OPRL1: variants seen among roughly 807,000 people sequenced by gnomAD.
OPRL1 encodes nociceptin receptor.
Under a neutral mutation model 15.5 loss-of-function variants are expected in OPRL1, and 5 were observed. That is an observed-to-expected ratio of 0.32 (90% CI 0.17 to 0.68). The LOEUF (loss-of-function observed/expected upper bound fraction) is 0.68. Among genes scored for constraint, OPRL1 ranks in the 30% least tolerant of loss-of-function variants. OPRL1 has a pLI of 0.72. For missense variants in OPRL1, 406 were observed against 515.3 expected, an observed-to-expected ratio of 0.79 and a Z score of 2.05; for synonymous variants, 223 against 230.2, an observed-to-expected ratio of 0.97 and a Z score of 0.28.
Position 64,098,836 on chromosome 20 carries a change from C to A in OPRL1, c.*37C>A. On this transcript the variant is annotated 3_prime_UTR_variant, in exon 5 of 5. Coordinates refer to ENST00000336866, the MANE Select transcript of OPRL1 (RefSeq NM_182647.4). ...CCTGCCCATGGTGCCTGTCAGCCCG[C>A]AGAGCCCATCTACGCCCAACACAGA... The A allele has an allele frequency of 6.4e-7, 1 of 1,556,708 alleles. No individual in the cohort carries two copies. Among genetic ancestry groups the A allele is most frequent in the Non-Finnish European group, 8.6e-7 (1 of 1,157,372 alleles).
intron 2 of OPRL1, 107 bp from the exon 3 acceptor site, chr20:64,092,581 C>A: frequency 1.3e-6 from 1 of 773,510 alleles, no homozygotes. Context: ...CTGTGGCTGC[C>A]CAGCGTGGGG....
intron 1 of OPRL1, among the ~76,000 whole-genome samples, chr20:64,084,585 G>T (rs1016522120): frequency 6.6e-6 from 1 of 152,238 alleles, no homozygotes; most frequent in African/African-American, 2.4e-5. Flanking sequence ...AGAGCTCTAG[G>T]TGACGCCTGG....
chr20:64,098,738 G>C lies in OPRL1; in HGVS notation c.1052G>C (p.Ser351Thr). ...RDVQVSDRVRSIAKDVALACK... is the reference protein window; with the variant it reads ...RDVQVSDRVRTIAKDVALACK... The stretch of plus-strand genomic sequence containing the variant: ...GTGCAGGTGTCTGACCGCGTGCGCA[G>C]CATTGCCAAGGACGTGGCCCTGGCC... Residue 351 changes from serine to threonine, a missense_variant, in exon 5 of 5, where the codon AGC (serine) becomes ACC (threonine). Physicochemically the swap from Ser to Thr is moderately conservative, Grantham distance 58. Transcript: ENST00000336866. 6.2e-7 allele frequency: 1 copy of C among 1,610,674 alleles called. No individual in the cohort carries two copies. The highest frequency in any genetic ancestry group is 8.5e-7 in the Non-Finnish European group (1 of 1,179,936).
rs1463975453 is a variant in OPRL1, at chr20:64,089,475, G to C, written c.-184-2491G>C. On this transcript the variant is annotated intron_variant, in intron 1 of 4. Coordinates refer to ENST00000336866, the MANE Select transcript of OPRL1 (RefSeq NM_182647.4). This position sits in a 1 kb window ranked among gnomAD's most constrained non-coding sequence, Gnocchi z 5.5. ...ACCTCGTCCCCCCTCCTTTCTTCCT[G>C]TCCTCCTATCCCCAGCGTGTTTTCC... is the stretch of plus-strand genomic sequence containing the variant. Among the ~76,000 whole-genome samples the C allele has an allele frequency of 1.3e-5, 2 of 151,964 alleles. No homozygotes were observed. The highest frequency in any genetic ancestry group is 6.5e-5 in the Admixed American group (1 of 15,272).
Position 64,083,821 on chromosome 20 carries a change from C to A in OPRL1, c.-185+3469C>A. The A allele has an allele frequency of 7.3e-7, 1 of 1,363,458 alleles. No homozygotes were observed. Among genetic ancestry groups the A allele is most frequent in the Non-Finnish European group, 9.4e-7 (1 of 1,064,634 alleles). 84.5% of individuals were successfully genotyped at this position (1,363,458 alleles called of 1,614,324 possible). On this transcript the variant is annotated intron_variant, in intron 1 of 4. Coordinates refer to ENST00000336866, the MANE Select transcript of OPRL1 (RefSeq NM_182647.4). The surrounding 1 kb of genome is among the most constrained non-coding windows in gnomAD (Gnocchi z 4.9). The stretch of plus-strand genomic sequence containing the variant: ...CCCTCCGACCCCCTCGCCTCACCCG[C>A]ATGCGGGTGTAGCGCAGCCGCAGGG...
At chr20:64,081,407 C>T (rs535486595) in intron 1 of OPRL1, among the ~76,000 whole-genome samples, 30 of 152,328 alleles carry the variant, frequency 2.0e-4, no homozygotes, top group Admixed American at 5.2e-4. Flanking sequence ...CCCGCTGAGC[C>T]GGCCTGTTGT....
chr20:64,082,814 T>G (rs527381352), intron 1 of OPRL1, among the ~76,000 whole-genome samples: 94 of 60,112 alleles, frequency 1.6e-3, no homozygotes, highest in African/African-American at 6.5e-3. Context: ...GGGGTGTGTG[T>G]GTGTGGGGGG....
intron 1 of OPRL1, chr20:64,084,272 C>T: frequency 7.5e-7 from 1 of 1,329,096 alleles, no homozygotes; most frequent in Non-Finnish European, 9.6e-7. Flanking sequence ...GGGCTGGCAC[C>T]GGGCCCTGCC....
chr20:64,089,095 G>T lies in OPRL1; in HGVS notation c.-184-2871G>T, dbSNP rs370715424. Among the ~76,000 whole-genome samples the T allele has an allele frequency of 5.8e-3, 855 of 148,360 alleles. 11 individuals carry two copies. The highest frequency in any genetic ancestry group is 0.02 in the African/African-American group (800 of 39,990). ...GTGGGGGGCAGGTTCTGCGCAGGGG[G>T]CCTAGGCTGTTCAGCATGCCAGGGT... On this transcript the variant is annotated intron_variant, in intron 1 of 4. Coordinates refer to ENST00000336866, the MANE Select transcript of OPRL1 (RefSeq NM_182647.4). The surrounding 1 kb of genome is among the most constrained non-coding windows in gnomAD (Gnocchi z 5.5).
Position 64,083,858 on chromosome 20 carries a change from C to T in OPRL1, c.-185+3506C>T, listed in dbSNP as rs777403169. ...GCGCAGCCGCAGGGCGCGGACTCGC[C>T]CGCGGGCCTCCGCTGCCTTGAGGAC... On this transcript the variant is annotated intron_variant, in intron 1 of 4. Transcript: ENST00000336866. The surrounding 1 kb of genome is among the most constrained non-coding windows in gnomAD (Gnocchi z 4.9). 24 of 1,414,758 alleles carry T rather than the reference C, an allele frequency of 1.7e-5. 1 individual carries two copies. The highest frequency in any genetic ancestry group is 2.5e-4 in the Middle Eastern group (1 of 4,020). 87.6% of individuals were successfully genotyped at this position (1,414,758 alleles called of 1,614,324 possible).
rs1979603909 is a variant in OPRL1 at position 64,099,627 on chromosome 20, C to T, written c.*828C>T. Reference sequence around the variant, plus strand: ...CCAGCGAGAGGCCCTGGCCCATTCCCTCCAGCGGTGCAATGAACTATCATG... The same window carrying T: ...CCAGCGAGAGGCCCTGGCCCATTCCTTCCAGCGGTGCAATGAACTATCATG... On this transcript the variant is annotated 3_prime_UTR_variant, in exon 5 of 5. Transcript: ENST00000336866. 1 of 152,646 alleles carries T rather than the reference C, an allele frequency of 6.6e-6. No homozygotes were observed. The highest frequency in any genetic ancestry group is 6.5e-5 in the Admixed American group (1 of 15,292). The allele number at this position is 152,646 out of a possible 1,614,324, so 9.5% of individuals were successfully genotyped here.
At chr20:64,092,412 A>G (rs1352946019) in intron 2 of OPRL1, among the ~76,000 whole-genome samples, 2 of 151,922 alleles carry the variant, frequency 1.3e-5, no homozygotes, top group Non-Finnish European at 2.9e-5. Flanking sequence ...CCTGTGTGTG[A>G]GTCTCTAAAC....
intron 1 of OPRL1, among the ~76,000 whole-genome samples, chr20:64,080,573 C>T (rs1184879559): frequency 2.0e-5 from 3 of 152,178 alleles, no homozygotes; most frequent in Admixed American, 6.5e-5. Context: ...CCCAAGATGT[C>T]CTAAAGCTTA....
In OPRL1 at chr20:64,099,499, G is replaced by C. The variant is rs2145633025; in HGVS notation, c.*700G>C. 1.3e-5 allele frequency: 2 copies of C among 152,728 alleles called. No individual in the cohort carries two copies. Among genetic ancestry groups the C allele is most frequent in the Middle Eastern group, 6.8e-3 (2 of 296 alleles). 9.5% of individuals were successfully genotyped at this position (152,728 alleles called of 1,614,324 possible). A position where few individuals can be genotyped will look rare whatever the true frequency, so the allele number is the denominator to read the frequency against. Reference sequence around the variant, plus strand: ...TGGCTGCAGACCCCGAGCTGGCCCTGGGCCAGCCGCACCTCTGAAGGTTTT... The same window carrying C: ...TGGCTGCAGACCCCGAGCTGGCCCTCGGCCAGCCGCACCTCTGAAGGTTTT... On this transcript the variant is annotated 3_prime_UTR_variant, in exon 5 of 5. Transcript: ENST00000336866.
chr20:64,086,192 G>A (rs944085624), intron 1 of OPRL1, among the ~76,000 whole-genome samples: 4 of 152,356 alleles, frequency 2.6e-5, no homozygotes, highest in East Asian at 3.9e-4. Context: ...TCCAGGCCAG[G>A]GGGACACATG....
Position 64,092,923 on chromosome 20 carries a change from G to A in OPRL1, c.203G>A (p.Gly68Glu), listed in dbSNP as rs1420086576. The change falls in exon 3 of 5, where the codon GGG becomes GAG. Residue 68 changes from glycine (G) to glutamate (E), a missense_variant. By Grantham distance (98) the Gly-to-Glu change is moderately conservative. Coordinates refer to ENST00000336866, the MANE Select transcript of OPRL1 (RefSeq NM_182647.4). Reference protein sequence around the residue: ...YLAVCVGGLLGNCLVMYVILR... With the variant: ...YLAVCVGGLLENCLVMYVILR... ...GCCGTGTGTGTCGGAGGGCTCCTGG[G>A]GAACTGCCTTGTCATGTACGTCATC... 1 of 1,612,698 alleles carries A rather than the reference G, an allele frequency of 6.2e-7. No homozygotes were observed. Among genetic ancestry groups the A allele is most frequent in the South Asian group, 1.1e-5 (1 of 91,088 alleles).
intron 1 of OPRL1, among the ~76,000 whole-genome samples, chr20:64,081,692 A>G (rs1265016527): frequency 6.6e-6 from 1 of 152,140 alleles, no homozygotes; most frequent in Non-Finnish European, 1.5e-5. Context: ...TGGGCTTTGG[A>G]CCACATGCCT....
intron 3 of OPRL1, among the ~76,000 whole-genome samples, chr20:64,096,819 C>A (rs895555417): frequency 1.8e-5 from 2 of 110,474 alleles, no homozygotes; most frequent in East Asian, 3.1e-4. Flanking sequence ...CCATCACCAC[C>A]ATCATCACCA....
At position 64,092,700 on chromosome 20, in the gene OPRL1, G is replaced by C. The variant is rs745375559; in HGVS notation, c.-21G>C. Reference sequence around the variant, plus strand: ...CGCTCTGTCCCAGGTACCGTACAGAGTGGATTTGCAGGGCAGTGGCATGGA... The same window carrying C: ...CGCTCTGTCCCAGGTACCGTACAGACTGGATTTGCAGGGCAGTGGCATGGA... On this transcript the variant is annotated 5_prime_UTR_variant, in exon 3 of 5. Transcript: ENST00000336866. 2.5e-6 allele frequency: 4 copies of C among 1,607,534 alleles called. No homozygotes were observed. In the African/African-American group the frequency reaches 5.3e-5, roughly 21 times the overall value.
Sources: allele counts gnomAD v4.1 joint callset (sites outside exome capture counted in the v4.1 genomes callset), GRCh38; gene constraint gnomAD v4.1.1; non-coding constraint Gnocchi (gnomAD v3.1); transcripts MANE v1.5; gene names NCBI Gene and HGNC (gene_info 2026-07-23, HGNC 2026-07-21).